Variants in MDN1 observed in about 807,000 individuals in gnomAD.
MDN1 encodes the protein midasin.
In MDN1, 266 loss-of-function variants were observed where a neutral mutation model predicts 669.2. The observed-to-expected ratio is 0.40, with a 90% CI of 0.36 to 0.44. The LOEUF (loss-of-function observed/expected upper bound fraction) is 0.44, where lower values mean the gene tolerates loss of function less well. Ranked by LOEUF, MDN1 falls within the 20% of genes least tolerant of loss-of-function variation. MDN1 has a pLI of 1.00. For missense variants in MDN1, 5,940 were observed against 6,754.0 expected, an observed-to-expected ratio of 0.88 and a Z score of 4.22; for synonymous variants, 2,385 against 2,457.1, an observed-to-expected ratio of 0.97 and a Z score of 0.87.
chr6:89,759,489 T>G (rs1817423431), intron 17 of MDN1, among the ~76,000 whole-genome samples: 1 of 152,074 alleles, frequency 6.6e-6, no homozygotes, highest in Non-Finnish European at 1.5e-5. Flanking sequence ...CTGGGCTGGG[T>G]GTGGTGGCTC....
intron 80 of MDN1, 63 bp downstream of exon 80, chr6:89,673,169 GACTT>G (rs1810946894): frequency 7.5e-7 from 1 of 1,340,992 alleles, no homozygotes; most frequent in South Asian, 1.2e-5. Flanking sequence ...TGGACAATGA[GACTT>G]ACATCTATAA....
At chr6:89,717,949 T>C (rs1052586333) in intron 43 of MDN1, among the ~76,000 whole-genome samples, 9 of 152,166 alleles carry the variant, frequency 5.9e-5, no homozygotes, top group African/African-American at 2.2e-4. Context: ...CCATGTTAAT[T>C]GGATGGCATA....
intron 59 of MDN1, among the ~76,000 whole-genome samples, chr6:89,696,791 G>T (rs1326950542): frequency 6.6e-6 from 1 of 152,128 alleles, no homozygotes; most frequent in African/African-American, 2.4e-5. Flanking sequence ...CTTTAGTAAT[G>T]CATGAGGAAA....
At chr6:89,730,185 C>T (rs1264598436) in intron 35 of MDN1, among the ~76,000 whole-genome samples, 1 of 152,132 alleles carries the variant, frequency 6.6e-6, no homozygotes, top group Non-Finnish European at 1.5e-5. Context: ...AACACAAACC[C>T]ACTATCTCCT....
At chr6:89,779,030 C>G (rs577584450) in intron 11 of MDN1, among the ~76,000 whole-genome samples, 16 of 151,066 alleles carry the variant, frequency 1.1e-4, no homozygotes, top group Non-Finnish European at 1.6e-4. Context: ...CTATGCACAC[C>G]TTCTTTATTT....
intron 22 of MDN1, among the ~76,000 whole-genome samples, chr6:89,751,808 G>A (rs1318765567): frequency 6.6e-6 from 1 of 152,124 alleles, no homozygotes; most frequent in Non-Finnish European, 1.5e-5. Context: ...GAAAAAAGCT[G>A]AATCAAAACA....
At chr6:89,647,972 C>T in intron 99 of MDN1, 60 bp downstream of exon 99, 4 of 1,314,172 alleles carry the variant, frequency 3.0e-6, no homozygotes, top group Non-Finnish European at 4.4e-6. Context: ...AATGTTCTCC[C>T]TCCAACCTAC....
chr6:89,747,576 A>G (rs1299189839), intron 26 of MDN1, 106 bp from the exon 27 acceptor site: 1 of 1,237,524 alleles, frequency 8.1e-7, no homozygotes, highest in Non-Finnish European at 1.1e-6. Context: ...TCCCATTTAA[A>G]TGATTTCATT....
Position 89,699,753 on chromosome 6 carries a change from G to A in MDN1, c.8871-26C>T, listed in dbSNP as rs1283253995. On this transcript the variant is annotated intron_variant, in intron 57 of 101. Transcript: ENST00000369393. Reference sequence around the variant, plus strand: ...CTGTTCCAAAAATAAAGAGGGAGAGGGTGGGGTATGGACTATCAATGAACT... The same window carrying A: ...CTGTTCCAAAAATAAAGAGGGAGAGAGTGGGGTATGGACTATCAATGAACT... 5 of 1,612,456 alleles carry A rather than the reference G, an allele frequency of 3.1e-6. No homozygotes were observed. In the South Asian group the frequency reaches 5.5e-5, roughly 18 times the overall value.
chr6:89,705,161 A>AT (rs1173892746), intron 53 of MDN1, among the ~76,000 whole-genome samples: 1 of 152,218 alleles, frequency 6.6e-6, no homozygotes, highest in Admixed American at 6.5e-5. Flanking sequence ...ACAGTTCCAC[A>AT]TTTCTCAAAT....
Position 89,716,705 on chromosome 6 carries a change from C to T in MDN1, c.6688G>A (p.Val2230Ile), listed in dbSNP as rs1188885992. Reference protein sequence around the residue: ...GTFEWVDSMLVQALKSGDWLL... With the variant: ...GTFEWVDSMLIQALKSGDWLL... ...CAGTCTCCAGACTTCAGGGCCTGAA[C>T]CAACATGCTGTCAACCCATTCAAAT... The change falls in exon 44 of 102, where the codon GTT becomes ATT. Residue 2230 changes from valine to isoleucine, a missense_variant. Transcript: ENST00000369393. 6.2e-7 allele frequency: 1 copy of T among 1,613,998 alleles called. No homozygotes were observed. The highest frequency in any genetic ancestry group is 1.3e-5 in the African/African-American group (1 of 74,946).
In MDN1 at chr6:89,714,498, T is replaced by A; in HGVS notation, c.7069+45A>T. 3 of 1,462,274 alleles carry A rather than the reference T, an allele frequency of 2.1e-6. No homozygotes were observed. The East Asian group carries it at 6.9e-5, about 33-fold the overall frequency. The allele number at this position is 1,462,274 out of a possible 1,614,324, so 90.6% of individuals were successfully genotyped here. ...AGTCCAATGGAATGACATAAATTTC[T>A]TGAAGACTAAAACTCTGCAAAGGCC... is the stretch of plus-strand genomic sequence containing the variant. On this transcript the variant is annotated intron_variant, in intron 46 of 101. Transcript: ENST00000369393.
At position 89,676,113 on chromosome 6, in the gene MDN1, T is replaced by C; in HGVS notation, c.12634A>G (p.Thr4212Ala). 1.2e-6 allele frequency: 2 copies of C among 1,613,964 alleles called. No individual in the cohort carries two copies. Among genetic ancestry groups the C allele is most frequent in the Non-Finnish European group, 1.7e-6 (2 of 1,179,946 alleles). ...RHARLNAALA[T>A]PAKEMGMGNV... ...TTCTATCATTCTACCTTGGCAGGAGTTGCTAGTGCTGCGTTAAGCCTGGCA... is the reference window on the plus strand; with the variant it reads ...TTCTATCATTCTACCTTGGCAGGAGCTGCTAGTGCTGCGTTAAGCCTGGCA... Residue 4212 changes from threonine (T) to alanine (A), a missense_variant, in exon 77 of 102, where the codon ACT becomes GCT. Physicochemically the swap from Thr to Ala is moderately conservative, Grantham distance 58 (BLOSUM62 0). Coordinates refer to ENST00000369393, the MANE Select transcript of MDN1 (RefSeq NM_014611.3).
chr6:89,737,723 A>T (rs866932999), intron 33 of MDN1, among the ~76,000 whole-genome samples: 1 of 128,934 alleles, frequency 7.8e-6, no homozygotes, highest in Non-Finnish European at 1.6e-5. Flanking sequence ...TCCCAGCCTA[A>T]TTTTTTTTTT....
intron 45 of MDN1, 118 bp from the exon 46 acceptor site, chr6:89,714,869 A>G (rs1413366573): frequency 1.5e-5 from 12 of 793,968 alleles, no homozygotes; most frequent in Admixed American, 5.8e-5. Context: ...CAGAATTCAC[A>G]CCAAGGATCT....
Position 89,714,706 on chromosome 6 carries a change from A to C in MDN1, c.6906T>G (p.Ala2302=). Residue 2302 remains alanine, a synonymous_variant, in exon 46 of 102, where the codon GCT becomes GCG. Coordinates refer to ENST00000369393, the MANE Select transcript of MDN1 (RefSeq NM_014611.3). ...MDPVHGDISR[A]MRNRGLEIYI... Reference sequence around the variant, plus strand: ...AGATTTCAAGTCCACGATTCCTCATAGCTCGGGATATATCTCCATGAACAG... The same window carrying C: ...AGATTTCAAGTCCACGATTCCTCATCGCTCGGGATATATCTCCATGAACAG... 6.8e-6 allele frequency: 11 copies of C among 1,614,154 alleles called. No homozygotes were observed. Among genetic ancestry groups the C allele is most frequent in the Non-Finnish European group, 9.3e-6 (11 of 1,179,994 alleles).
rs368790651 is a variant in MDN1 at position 89,709,794 on chromosome 6, T to C, written c.7765+887A>G. 1.8e-4 allele frequency among the ~76,000 whole-genome samples: 28 copies of C among 152,344 alleles called. 1 individual carries two copies. The highest frequency in any genetic ancestry group is 6.5e-4 in the African/African-American group (27 of 41,578). Reference sequence around the variant, plus strand: ...TAATATTACTCTGTTCTAGGAAATGTTTATTCTCTCACTCCTTATTTAAAA... The same window carrying C: ...TAATATTACTCTGTTCTAGGAAATGCTTATTCTCTCACTCCTTATTTAAAA... On this transcript the variant is annotated intron_variant, in intron 50 of 101. Coordinates refer to ENST00000369393, the MANE Select transcript of MDN1 (RefSeq NM_014611.3).
intron 31 of MDN1, among the ~76,000 whole-genome samples, chr6:89,741,257 A>G (rs1295378400): frequency 1.3e-5 from 2 of 152,084 alleles, no homozygotes; most frequent in Non-Finnish European, 2.9e-5. Context: ...CAAAAACTAA[A>G]TTGTGATGGT....
At chr6:89,752,034 G>A (rs1007019719) in intron 22 of MDN1, among the ~76,000 whole-genome samples, 12 of 152,166 alleles carry the variant, frequency 7.9e-5, no homozygotes, top group African/African-American at 2.9e-4. Flanking sequence ...GCCCATTAAG[G>A]ATAATATTGT....
Sources: allele counts gnomAD v4.1 joint callset (sites outside exome capture counted in the v4.1 genomes callset), GRCh38; gene constraint gnomAD v4.1.1; transcripts MANE v1.5; gene names NCBI Gene and HGNC (gene_info 2026-07-23, HGNC 2026-07-21).